The following SCART1 variants were observed in gnomAD, a reference collection of about 807,000 sequenced individuals.
The protein encoded by SCART1 is scavenger receptor family member expressed on T cells 1.
In SCART1, 62 loss-of-function variants were observed where a neutral mutation model predicts 36.2. The ratio of observed to expected loss-of-function variants is 1.71; its 90% CI spans 1.40 to 2.12. The LOEUF (loss-of-function observed/expected upper bound fraction) is 2.12, where lower values mean the gene tolerates loss of function less well. Ranked by LOEUF, SCART1 falls within the 30% of genes most tolerant of loss-of-function variation. The probability of loss-of-function intolerance (pLI) is 0.00; values close to 1 mark genes in which losing one functional copy is unlikely to be tolerated. For missense variants in SCART1, 1,041 were observed against 540.5 expected, an observed-to-expected ratio of 1.93 and a Z score of -9.18; for synonymous variants, 487 against 238.7, an observed-to-expected ratio of 2.04 and a Z score of -9.59.
In SCART1 at chr10:133,462,988, C is replaced by T. The variant is rs575244667; in HGVS notation, c.1970-1618C>T. The stretch of plus-strand genomic sequence containing the variant: ...TAAGCTTATTTTAATTAGATATGAT[C>T]CTATCAGATGCAATTCATACCCAAT... On this transcript the variant is annotated intron_variant, in intron 6 of 11. Transcript: ENST00000640237. Among the ~76,000 whole-genome samples, 9 of 152,244 alleles carry T rather than the reference C, an allele frequency of 5.9e-5. No individual in the cohort carries two copies. The South Asian group carries it at 1.9e-3, about 32-fold the overall frequency.
intron 4 of SCART1, 113 bp from the exon 5 acceptor site, chr10:133,458,908 C>G: frequency 1.6e-6 from 1 of 623,352 alleles, no homozygotes; most frequent in Non-Finnish European, 2.9e-6. Context: ...GCTGGTGAGA[C>G]CAAGGCTGGG....
At chr10:133,454,197 G>A in intron 1 of SCART1, 133 bp downstream of exon 1, 1 of 659,000 alleles carries the variant, frequency 1.5e-6, no homozygotes, top group East Asian at 2.7e-5. Flanking sequence ...GAGTGGGTGG[G>A]ACATGCTGGG....
intron 10 of SCART1, 171 bp from the exon 11 acceptor site, chr10:133,467,027 T>G: frequency 1.9e-6 from 1 of 527,902 alleles, no homozygotes. Flanking sequence ...TGGCCAGGGA[T>G]GGGAGGGCAC....
exon 12 of SCART1, chr10:133,469,111 T>A (rs1184353622): frequency 6.6e-6 from 1 of 152,242 alleles, no homozygotes; most frequent in African/African-American, 2.4e-5. Flanking sequence ...GGTTTTGATT[T>A]GCATTTCTCT....
At position 133,465,945 on chromosome 10, in the gene SCART1, C is replaced by T. The variant is rs896988774; in HGVS notation, c.2660-290C>T. The T allele has an allele frequency of 4.4e-6, 3 of 674,928 alleles. No individual in the cohort carries two copies. In the South Asian group the frequency reaches 4.5e-5, roughly 10 times the overall value. 41.8% of individuals were successfully genotyped at this position (674,928 alleles called of 1,614,324 possible). A position where few individuals can be genotyped will look rare whatever the true frequency, so the allele number is the denominator to read the frequency against. ...CAGTGGTAACTTTCCCTGAGCCACTCCCATTCTCTGTGCTCTGGTCACCTC... is the reference window on the plus strand; with the variant it reads ...CAGTGGTAACTTTCCCTGAGCCACTTCCATTCTCTGTGCTCTGGTCACCTC... On this transcript the variant is annotated intron_variant, in intron 9 of 11. Coordinates refer to ENST00000640237, the Ensembl canonical transcript of SCART1.
At chr10:133,464,067 T>C (rs1229045515) in intron 6 of SCART1, among the ~76,000 whole-genome samples, 1 of 152,172 alleles carries the variant, frequency 6.6e-6, no homozygotes, top group African/African-American at 2.4e-5. Context: ...TGAGAACATG[T>C]GCTATTTAGC....
intron 6 of SCART1, among the ~76,000 whole-genome samples, chr10:133,460,496 A>ATTTTTTTTTTT: frequency 7.4e-6 from 1 of 136,006 alleles, no homozygotes; most frequent in South Asian, 2.7e-4. Flanking sequence ...ATATTTATAT[A>ATTTTTTTTTTT]TTTTAAAAAA....
chr10:133,469,340 C>T (rs9418974), downstream of SCART1, among the ~76,000 whole-genome samples: 959 of 152,278 alleles, frequency 6.3e-3, 5 homozygotes, highest in Non-Finnish European at 0.011. Flanking sequence ...TGCCTGTTCA[C>T]TCTGATGACC....
chr10:133,455,462 C>T (rs1850596664), intron 1 of SCART1, among the ~76,000 whole-genome samples: 1 of 151,882 alleles, frequency 6.6e-6, no homozygotes, highest in South Asian at 2.1e-4. Context: ...TCCTGACTGC[C>T]ATCGGGGAGG....
At position 133,465,102 on chromosome 10, in the gene SCART1, G is replaced by A. The variant is rs1398997108; in HGVS notation, c.2276-4G>A. The A allele has an allele frequency of 4.3e-6, 3 of 703,016 alleles. No homozygotes were observed. The highest frequency in any genetic ancestry group is 1.7e-5 in the African/African-American group (1 of 57,372). 43.5% of individuals were successfully genotyped at this position (703,016 alleles called of 1,614,324 possible). ...AGCTCTCAGAGCTGCTGTTTAACCC[G>A]CAGGATTGTCAGAGGACAGGCCACA... On this transcript the variant is annotated splice_polypyrimidine_tract_variant and splice_region_variant and intron_variant, in intron 7 of 11. Coordinates refer to ENST00000640237, the Ensembl canonical transcript of SCART1.
chr10:133,459,408 A>C (rs921155784), intron 5 of SCART1, 79 bp from the exon 6 acceptor site: 105 of 613,886 alleles, frequency 1.7e-4, no homozygotes, highest in African/African-American at 1.7e-3. Context: ...GAGGGGGCGG[A>C]GAGGTACGGG....
At chr10:133,464,704 C>T (rs1486906807) in exon 7 of SCART1, 1 of 702,130 alleles carries the variant, frequency 1.4e-6, no homozygotes, top group East Asian at 2.7e-5. Context: ...CAGCAATGCC[C>T]TGAAGGACCT....
At chr10:133,461,312 TC>T (rs1850699193) in intron 6 of SCART1, among the ~76,000 whole-genome samples, 1 of 152,138 alleles carries the variant, frequency 6.6e-6, no homozygotes, top group Admixed American at 6.5e-5. Flanking sequence ...ACCTGTGGTC[TC>T]CCAGGGTATT....
In SCART1 at chr10:133,456,300, G is replaced by A. The variant is rs1480972941; in HGVS notation, c.131G>A (p.Arg44Gln). 2.0e-5 allele frequency: 14 copies of A among 702,948 alleles called. No individual in the cohort carries two copies. The East Asian group carries it at 2.4e-4, about 12-fold the overall frequency. 43.5% of individuals were successfully genotyped at this position (702,948 alleles called of 1,614,324 possible). ...ACGTGCGACGGAGTGGTGTTGGTCC[G>A]ACACCACGGGGCATGGGGATACGTG... The change falls in exon 2 of 12, where the codon CGA (arginine) becomes CAA (glutamine). Residue 44 changes from arginine to glutamine, a missense_variant. Arg to Gln is a conservative substitution (Grantham distance 43). Coordinates refer to ENST00000640237, the Ensembl canonical transcript of SCART1.
rs55751015 is a variant in SCART1, at chr10:133,460,471, C to CATATATATATATATATATATAT, written c.1969+319_1969+320insATATATATATATATATATATAT. 1.1e-3 allele frequency among the ~76,000 whole-genome samples: 150 copies of CATATATATATATATATATATAT among 136,422 alleles called. 2 individuals carry two copies. The highest frequency in any genetic ancestry group is 3.8e-3 in the African/African-American group (136 of 35,454). 89.5% of individuals were successfully genotyped at this position (136,422 alleles called of 152,430 possible). On this transcript the variant is annotated intron_variant, in intron 6 of 11. Transcript: ENST00000640237. ...GCGCTTGAAGTTTCCATCCGAAATT[C>CATATATATATATATATATATAT]ATATATATATATATATATTTATATA... is the stretch of plus-strand genomic sequence containing the variant.
exon 3 of SCART1, chr10:133,457,482 A>C: frequency 1.4e-6 from 1 of 702,720 alleles, no homozygotes; most frequent in South Asian, 1.5e-5. Flanking sequence ...CCTGGCCTGC[A>C]GGGGTACCGA....
In SCART1 at chr10:133,457,265, C is replaced by T. The variant is rs1355812524; in HGVS notation, c.386-14C>T. ...GGGTCCATACCTTAAGGAGGACCGG[C>T]CTGTGCTCCACAGACGGCACTTTCC... is the stretch of plus-strand genomic sequence containing the variant. On this transcript the variant is annotated splice_polypyrimidine_tract_variant and intron_variant, in intron 2 of 11. Coordinates refer to ENST00000640237, the Ensembl canonical transcript of SCART1. The T allele has an allele frequency of 2.1e-5, 15 of 700,308 alleles. No individual in the cohort carries two copies. The highest frequency in any genetic ancestry group is 2.9e-5 in the Non-Finnish European group (11 of 384,754). The allele number at this position is 700,308 out of a possible 1,614,324, so 43.4% of individuals were successfully genotyped here.
intron 6 of SCART1, chr10:133,464,205 T>C (rs762569941): frequency 9.8e-5 from 19 of 194,100 alleles, no homozygotes; most frequent in Admixed American, 2.8e-4. Context: ...TCTCTATCCA[T>C]GTATCTGTTG....
chr10:133,460,496 A>ATATATATATATATATTTTTTTTTT lies in SCART1; in HGVS notation c.1969+327_1969+328insATATATATATATATTTTTTTTTTT. On this transcript the variant is annotated intron_variant, in intron 6 of 11. Coordinates refer to ENST00000640237, the Ensembl canonical transcript of SCART1. ...CATATATATATATATATATTTATAT[A>ATATATATATATATATTTTTTTTTT]TTTTAAAAAATATTTTATATTTATT... is the stretch of plus-strand genomic sequence containing the variant. 3.7e-5 allele frequency among the ~76,000 whole-genome samples: 5 copies of ATATATATATATATATTTTTTTTTT among 136,002 alleles called. No individual in the cohort carries two copies. The South Asian group carries it at 8.2e-4, about 22-fold the overall frequency. The allele number at this position is 136,002 out of a possible 152,430, so 89.2% of individuals were successfully genotyped here. A position where few individuals can be genotyped will look rare whatever the true frequency, so the allele number is the denominator to read the frequency against.
Sources: gnomAD v4.1 joint callset for allele counts (sites outside exome capture counted in the v4.1 genomes callset) on GRCh38, gnomAD v4.1.1 for gene constraint, MANE v1.5 for transcripts, NCBI Gene and HGNC (gene_info 2026-07-23, HGNC 2026-07-21) for gene names.